The following ZDHHC13 variants were observed in gnomAD, a reference collection of about 807,000 sequenced individuals.
ZDHHC13 encodes the protein zDHHC palmitoyltransferase 13.
In ZDHHC13, 85 loss-of-function variants were observed where a neutral mutation model predicts 86.0. That is an observed-to-expected ratio of 0.99 (90% CI 0.83 to 1.18). ZDHHC13 has a LOEUF of 1.18. Among genes scored for constraint, ZDHHC13 ranks in the 50% most tolerant of loss-of-function variants. ZDHHC13 has a pLI of 0.00. For missense variants in ZDHHC13, 711 were observed against 730.2 expected (o/e 0.97, Z 0.30); for synonymous variants, 263 against 246.4 (o/e 1.07, Z -0.63).
intron 1 of ZDHHC13, among the ~76,000 whole-genome samples, chr11:19,141,072 T>TAA (rs1030853735): frequency 3.0e-5 from 4 of 132,308 alleles, no homozygotes; most frequent in African/African-American, 8.3e-5. Context: ...AGTATAATAA[T>TAA]AAAAAAAAAA....
At chr11:19,126,640 A>G (rs1848885590) in intron 1 of ZDHHC13, among the ~76,000 whole-genome samples, 1 of 150,512 alleles carries the variant, frequency 6.6e-6, no homozygotes, top group South Asian at 2.1e-4. Context: ...ATGAGCCACC[A>G]TGCCCAGCCT....
intron 13 of ZDHHC13, 105 bp downstream of exon 13, chr11:19,165,250 C>A: frequency 9.7e-7 from 1 of 1,035,872 alleles, no homozygotes; most frequent in Non-Finnish European, 1.4e-6. Context: ...TTTCAATATT[C>A]TAGTATTCCA....
At chr11:19,161,351 C>A (rs2133453958) in intron 10 of ZDHHC13, among the ~76,000 whole-genome samples, 1 of 152,118 alleles carries the variant, frequency 6.6e-6, no homozygotes, top group East Asian at 1.9e-4. Flanking sequence ...ATAACAGAAA[C>A]AAGCTCATGG....
intron 1 of ZDHHC13, among the ~76,000 whole-genome samples, chr11:19,119,930 CCTT>C (rs1481295637): frequency 1.3e-5 from 2 of 152,186 alleles, no homozygotes; most frequent in Non-Finnish European, 2.9e-5. Context: ...CTCACTCGCT[CCTT>C]CTCTCTCACT....
intron 14 of ZDHHC13, chr11:19,168,932 A>G (rs1164031473): frequency 1.0e-6 from 1 of 984,392 alleles, no homozygotes; most frequent in Non-Finnish European, 1.2e-6. Flanking sequence ...TAACTGTCAG[A>G]GCCATCTAAA....
chr11:19,164,959 G>A (rs970685611), intron 12 of ZDHHC13, 93 bp from the exon 13 acceptor site: 2 of 981,182 alleles, frequency 2.0e-6, no homozygotes, highest in Middle Eastern at 2.1e-4. Flanking sequence ...TTGTGCCAAT[G>A]CCTCTGTGAC....
At chr11:19,140,680 T>C (rs562663598) in intron 1 of ZDHHC13, among the ~76,000 whole-genome samples, 2 of 152,128 alleles carry the variant, frequency 1.3e-5, no homozygotes, top group East Asian at 3.9e-4. Flanking sequence ...TGTCCAACAA[T>C]GATAGACTGG....
Position 19,163,351 on chromosome 11 carries a change from C to A in ZDHHC13, c.1157C>A (p.Ala386Asp). The A allele has an allele frequency of 6.2e-7, 1 of 1,604,262 alleles. No individual in the cohort carries two copies. The change falls in exon 11 of 17, where the codon GCC becomes GAC. Residue 386 changes from alanine to aspartate, a missense_variant. By Grantham distance (126) the Ala-to-Asp change is moderately radical. Transcript: ENST00000446113. Reference sequence around the variant, plus strand: ...TTCAGTTTCATTTTCAGCATAGTAGCCTTTCTATACTTTTTCTATAAGACT... The same window carrying A: ...TTCAGTTTCATTTTCAGCATAGTAGACTTTCTATACTTTTTCTATAAGACT... ...FYFSFIFSIVAFLYFFYKTWA... is the reference protein window; with the variant it reads ...FYFSFIFSIVDFLYFFYKTWA...
At chr11:19,146,333 A>G (rs1389579471) in intron 3 of ZDHHC13, 30 bp downstream of exon 3, 7 of 1,596,444 alleles carry the variant, frequency 4.4e-6, no homozygotes, top group African/African-American at 1.4e-5. Context: ...TTAATTGTGT[A>G]TTTATAATTT....
At position 19,161,607 on chromosome 11, in the gene ZDHHC13, A is replaced by C. The variant is rs114770370; in HGVS notation, c.1109-1696A>C. 1.7e-3 allele frequency among the ~76,000 whole-genome samples: 258 copies of C among 151,950 alleles called. 2 individuals are homozygous for C. Among genetic ancestry groups the C allele is most frequent in the African/African-American group, 6.1e-3 (252 of 41,292 alleles). Reference sequence around the variant, plus strand: ...TGTGCGAGGGGGGATTGAATACAATAAAATGGAACCTTATTGATGAGTTTG... The same window carrying C: ...TGTGCGAGGGGGGATTGAATACAATCAAATGGAACCTTATTGATGAGTTTG... On this transcript the variant is annotated intron_variant, in intron 10 of 16. Transcript: ENST00000446113.
At chr11:19,175,750 T>C in intron 16 of ZDHHC13, 72 bp from the exon 17 acceptor site, 1 of 1,551,106 alleles carries the variant, frequency 6.4e-7, no homozygotes, top group Non-Finnish European at 8.8e-7. Context: ...ATATTATAGA[T>C]TCTCCATAAA....
chr11:19,147,996 T>A (rs1849515065), intron 4 of ZDHHC13, among the ~76,000 whole-genome samples: 7 of 152,212 alleles, frequency 4.6e-5, no homozygotes, highest in Admixed American at 4.6e-4. Flanking sequence ...ATGACAGATG[T>A]CTATTTAGAA....
At position 19,117,291 on chromosome 11, in the gene ZDHHC13, G is replaced by T. The variant is rs1848664987; in HGVS notation, c.27+15G>T. 6.8e-7 allele frequency: 1 copy of T among 1,473,732 alleles called. No homozygotes were observed. The allele number at this position is 1,473,732 out of a possible 1,614,324, so 91.3% of individuals were successfully genotyped here. ...TGGGCTCGCAGGTGAGTGCGGCCGG[G>T]CGGTGGCTGTCCTGGGGGCCGGGAG... On this transcript the variant is annotated intron_variant, in intron 1 of 16. Coordinates refer to ENST00000446113, the MANE Select transcript of ZDHHC13 (RefSeq NM_019028.3). This position sits in a 1 kb window ranked among gnomAD's most constrained non-coding sequence, Gnocchi z 4.2.
At chr11:19,158,294 T>C (rs991914892) in intron 9 of ZDHHC13, among the ~76,000 whole-genome samples, 3 of 152,180 alleles carry the variant, frequency 2.0e-5, no homozygotes, top group African/African-American at 7.2e-5. Flanking sequence ...GAGTATTTAG[T>C]GTAAAAGACA....
intron 9 of ZDHHC13, 95 bp downstream of exon 9, chr11:19,156,024 T>C: frequency 6.4e-6 from 9 of 1,408,168 alleles, no homozygotes; most frequent in Non-Finnish European, 8.4e-6. Context: ...ATTTTTATCA[T>C]GCTGTAAATA....
At chr11:19,128,432 C>A (rs902336558) in intron 1 of ZDHHC13, among the ~76,000 whole-genome samples, 1 of 152,160 alleles carries the variant, frequency 6.6e-6, no homozygotes, top group African/African-American at 2.4e-5. Context: ...TATTTGGATG[C>A]CCTTTATTTC....
intron 1 of ZDHHC13, among the ~76,000 whole-genome samples, chr11:19,139,437 A>G (rs1849243330): frequency 7.0e-6 from 1 of 143,098 alleles, no homozygotes; most frequent in African/African-American, 2.5e-5. Context: ...ATGGAAGAAC[A>G]TTCCATGCTC....
intron 1 of ZDHHC13, among the ~76,000 whole-genome samples, chr11:19,123,628 C>T (rs1252070095): frequency 2.0e-5 from 3 of 151,962 alleles, no homozygotes; most frequent in Non-Finnish European, 2.9e-5. Flanking sequence ...GCCTGGGTGA[C>T]GGAGTAATAC....
Position 19,164,329 on chromosome 11 carries a change from C to T in ZDHHC13, c.1262C>T (p.Ser421Phe). ...ATCATCACCCTTGCAGAAACTGGCT[C>T]TCTGGACTTCAGAACATTTTGTACA... ...VNIITLAETG[S>F]LDFRTFCTSC... The change falls in exon 12 of 17, where the codon TCT becomes TTT. Residue 421 changes from serine to phenylalanine, a missense_variant. Ser to Phe is a radical substitution (Grantham distance 155, BLOSUM62 -2). Coordinates refer to ENST00000446113, the MANE Select transcript of ZDHHC13 (RefSeq NM_019028.3). The T allele has an allele frequency of 6.2e-7, 1 of 1,613,230 alleles. No homozygotes were observed. The highest frequency in any genetic ancestry group is 8.5e-7 in the Non-Finnish European group (1 of 1,179,536).
Sources: allele counts gnomAD v4.1 joint callset (sites outside exome capture counted in the v4.1 genomes callset), GRCh38; gene constraint gnomAD v4.1.1; non-coding constraint Gnocchi (gnomAD v3.1); transcripts MANE v1.5; gene names NCBI Gene and HGNC (gene_info 2026-07-23, HGNC 2026-07-21).